MRTFA: variants seen among roughly 807,000 people sequenced by gnomAD.
The protein encoded by MRTFA is myocardin-related transcription factor A.
A neutral mutation model predicts 83.5 loss-of-function variants in MRTFA; 20 were observed. The observed-to-expected ratio is 0.24, with a 90% confidence interval of 0.17 to 0.35. The LOEUF (loss-of-function observed/expected upper bound fraction) is 0.35. Ranked by LOEUF, MRTFA falls within the 10% of genes least tolerant of loss-of-function variation. MRTFA has a pLI of 1.00. For synonymous variants in MRTFA, 659 were observed against 541.2 expected (o/e 1.22, Z -3.02); for missense variants, 1,200 against 1,224.7 (o/e 0.98, Z 0.30).
chr22:40,466,293 T>C (rs908508615), intron 3 of MRTFA, among the ~76,000 whole-genome samples: 4 of 152,210 alleles, frequency 2.6e-5, no homozygotes, highest in African/African-American at 9.6e-5. Context: ...GTTAAGTGAC[T>C]GTCATGCTTT....
At chr22:40,585,203 G>A (rs1010334120) in intron 2 of MRTFA, among the ~76,000 whole-genome samples, 3 of 152,316 alleles carry the variant, frequency 2.0e-5, no homozygotes, top group African/African-American at 7.2e-5. Context: ...GCTCCATGGT[G>A]TAACTTGTTC....
At chr22:40,609,160 G>A (rs751119511) in intron 1 of MRTFA, among the ~76,000 whole-genome samples, 16 of 151,928 alleles carry the variant, frequency 1.1e-4, no homozygotes, top group Non-Finnish European at 1.9e-4. Flanking sequence ...TTGTGGTGGT[G>A]CACACCTGTA....
At chr22:40,507,851 T>C (rs777384318) in intron 3 of MRTFA, among the ~76,000 whole-genome samples, 3 of 150,998 alleles carry the variant, frequency 2.0e-5, no homozygotes, top group Non-Finnish European at 2.9e-5. Flanking sequence ...TAGTCCCAGC[T>C]ACCAGGAAGG....
At chr22:40,412,267 A>G (rs2052572964) in intron 14 of MRTFA, 1 of 162,748 alleles carries the variant, frequency 6.1e-6, no homozygotes, top group Non-Finnish European at 1.3e-5. Context: ...GAGGGAGACC[A>G]CAGTGAGATA....
rs1421298099 is a variant in MRTFA at position 40,420,908 on chromosome 22, T to A, written c.1120A>T (p.Ile374Phe). 3.1e-6 allele frequency: 5 copies of A among 1,614,044 alleles called. No individual in the cohort carries two copies. The highest frequency in any genetic ancestry group is 4.2e-6 in the Non-Finnish European group (5 of 1,180,020). ...TGCTGCTGCTGCTGCTGGTTGAGGA[T>A]CTGCAGCTGGAGGAAGAGCTGCTGC... Residue 374 changes from isoleucine (I) to phenylalanine (F), a missense_variant, in exon 10 of 15, where the codon ATC (isoleucine) becomes TTC (phenylalanine). Around this residue, in one of 2 missense-constraint regions of MRTFA, gnomAD observed 1,107 missense variants for 1,041.8 expected, o/e 1.06. Coordinates refer to ENST00000355630, the MANE Select transcript of MRTFA (RefSeq NM_020831.6).
intron 1 of MRTFA, among the ~76,000 whole-genome samples, chr22:40,605,770 T>C (rs768066025): frequency 2.6e-5 from 4 of 152,198 alleles, no homozygotes; most frequent in African/African-American, 4.8e-5. Flanking sequence ...TAGTCCAGGC[T>C]TCATCTACAG....
intron 3 of MRTFA, among the ~76,000 whole-genome samples, chr22:40,480,461 G>A (rs548683466): frequency 1.3e-5 from 2 of 152,080 alleles, no homozygotes; most frequent in East Asian, 3.9e-4. Context: ...TTATCAGCAT[G>A]ACATGCTGAT....
chr22:40,636,549 G>A lies in MRTFA; in HGVS notation c.-155C>T, dbSNP rs1260245490. 3.9e-5 allele frequency: 6 copies of A among 152,342 alleles called. No individual in the cohort carries two copies. Among genetic ancestry groups the A allele is most frequent in the Admixed American group, 2.6e-4 (4 of 15,282 alleles). The allele number at this position is 152,342 out of a possible 1,614,324, so 9.4% of individuals were successfully genotyped here. ...GCTCTAGCCGCCCGCGTCTCCTCTC[G>A]AGGCTCACTGTCCAGCCCGGGCGCA... On this transcript the variant is annotated 5_prime_UTR_variant, in exon 1 of 15. Coordinates refer to ENST00000355630, the MANE Select transcript of MRTFA (RefSeq NM_020831.6).
chr22:40,442,594 G>A (rs996496326), intron 4 of MRTFA, among the ~76,000 whole-genome samples: 1 of 120,150 alleles, frequency 8.3e-6, no homozygotes, highest in Admixed American at 1.2e-4. Context: ...CACTATGCCA[G>A]TCACTGAGGA....
intron 3 of MRTFA, among the ~76,000 whole-genome samples, chr22:40,483,602 A>G (rs1217195718): frequency 1.3e-5 from 2 of 151,394 alleles, no homozygotes; most frequent in Non-Finnish European, 2.9e-5. Flanking sequence ...GGAGAATGGC[A>G]TGAACCCAGG....
chr22:40,447,398 T>TA lies in MRTFA; in HGVS notation c.308-11845dup, dbSNP rs149564445. Among the ~76,000 whole-genome samples, 1,356 of 146,840 alleles carry TA rather than the reference T, an allele frequency of 9.2e-3. 18 individuals are homozygous for TA. The highest frequency in any genetic ancestry group is 0.031 in the African/African-American group (1,254 of 39,864). On this transcript the variant is annotated intron_variant, in intron 4 of 14. Transcript: ENST00000355630. Reference sequence around the variant, plus strand: ...AAAAAGTGACATTGGAGGAGAGATGTAAAAAAAGGGAGTGAGCCCTGCAGT... The same window carrying TA: ...AAAAAGTGACATTGGAGGAGAGATGTAAAAAAAAGGGAGTGAGCCCTGCAGT...
At chr22:40,511,881 T>C (rs922095979) in intron 3 of MRTFA, among the ~76,000 whole-genome samples, 2 of 152,198 alleles carry the variant, frequency 1.3e-5, no homozygotes, top group Admixed American at 6.5e-5. Flanking sequence ...CAGTTTCTGC[T>C]CATTTTCTGA....
chr22:40,594,596 C>A (rs1472979990), intron 2 of MRTFA, 78 bp downstream of exon 2: 1 of 151,942 alleles, frequency 6.6e-6, no homozygotes, highest in Non-Finnish European at 1.5e-5. Flanking sequence ...CTGATCTATT[C>A]TAGGTCAGTA....
chr22:40,563,053 C>G (rs2055652520), intron 2 of MRTFA, among the ~76,000 whole-genome samples: 2 of 152,120 alleles, frequency 1.3e-5, no homozygotes, highest in African/African-American at 4.8e-5. Flanking sequence ...CTTCCCCCAA[C>G]AAAAAGGATA....
chr22:40,459,398 T>G (rs772813202), intron 4 of MRTFA, among the ~76,000 whole-genome samples: 28 of 152,100 alleles, frequency 1.8e-4, no homozygotes, highest in Non-Finnish European at 2.8e-4. Context: ...ACCTACTTCC[T>G]TCTCTAGAAA....
intron 4 of MRTFA, among the ~76,000 whole-genome samples, chr22:40,443,937 A>G (rs1267945538): frequency 6.6e-6 from 1 of 152,160 alleles, no homozygotes; most frequent in Non-Finnish European, 1.5e-5. Flanking sequence ...TGGTAACAGC[A>G]TGCACCCCCA....
chr22:40,418,116 G>A (rs1356805637), intron 12 of MRTFA, among the ~76,000 whole-genome samples: 2 of 152,210 alleles, frequency 1.3e-5, no homozygotes, highest in Non-Finnish European at 2.9e-5. Context: ...CAGGAGTCCT[G>A]CTGCTGAGGT....
chr22:40,471,646 G>GC (rs1223232560), intron 3 of MRTFA, among the ~76,000 whole-genome samples: 1 of 152,156 alleles, frequency 6.6e-6, no homozygotes, highest in Non-Finnish European at 1.5e-5. Context: ...ACTTTGGGAG[G>GC]CCCAGGTAGG....
chr22:40,618,114 G>A (rs2056476312), intron 1 of MRTFA, among the ~76,000 whole-genome samples: 1 of 150,426 alleles, frequency 6.6e-6, no homozygotes, highest in Non-Finnish European at 1.5e-5. Context: ...TCGCTCTGTT[G>A]CCCAGGCTGG....
Sources: gnomAD v4.1 joint callset for allele counts (sites outside exome capture counted in the v4.1 genomes callset) on GRCh38, gnomAD v4.1.1 for gene constraint, gnomAD v4.1.1 regional missense constraint, MANE v1.5 for transcripts, NCBI Gene and HGNC (gene_info 2026-07-23, HGNC 2026-07-21) for gene names.